The following GBE1 variants were observed in gnomAD, a reference collection of about 807,000 sequenced individuals.
GBE1 encodes the protein 1,4-alpha-glucan branching enzyme 1.
In GBE1, 70 loss-of-function variants were observed where a neutral mutation model predicts 88.8. The ratio of observed to expected loss-of-function variants is 0.79; its 90% confidence interval spans 0.65 to 0.96. The LOEUF is 0.96. Among genes scored for constraint, GBE1 ranks in the 40% least tolerant of loss-of-function variants. The pLI, the probability that GBE1 is intolerant of heterozygous loss-of-function variation, is 0.00. For missense variants in GBE1, 872 were observed against 871.0 expected, an observed-to-expected ratio of 1.00 and a Z score of -0.01; for synonymous variants, 284 against 300.1, an observed-to-expected ratio of 0.95 and a Z score of 0.56.
chr3:81,648,356 A>G (rs1220980547), intron 5 of GBE1, among the ~76,000 whole-genome samples: 1 of 152,160 alleles, frequency 6.6e-6, no homozygotes, highest in African/African-American at 2.4e-5. Flanking sequence ...GTGCCATTAC[A>G]GTTCAATACA....
At chr3:81,697,887 C>A (rs1705624410) in intron 2 of GBE1, among the ~76,000 whole-genome samples, 1 of 151,766 alleles carries the variant, frequency 6.6e-6, no homozygotes. Context: ...AAGACTGTAA[C>A]AAGGGACATG....
intron 14 of GBE1, among the ~76,000 whole-genome samples, chr3:81,528,459 T>G (rs1702974681): frequency 6.6e-6 from 1 of 152,036 alleles, no homozygotes; most frequent in Non-Finnish European, 1.5e-5. Flanking sequence ...TTTGCAGCCG[T>G]TGGATGAAAT....
chr3:81,490,781 G>T (rs185354686), intron 15 of GBE1, among the ~76,000 whole-genome samples: 1 of 152,116 alleles, frequency 6.6e-6, no homozygotes, highest in East Asian at 1.9e-4. Context: ...CTGCCCCACA[G>T]TTTGCAATGT....
chr3:81,725,219 T>G (rs1258471651), intron 1 of GBE1, among the ~76,000 whole-genome samples: 1 of 152,180 alleles, frequency 6.6e-6, no homozygotes, highest in African/African-American at 2.4e-5. Context: ...TTTTATAAAC[T>G]TTTTAATTTT....
chr3:81,580,002 T>C (rs557087711), intron 11 of GBE1, among the ~76,000 whole-genome samples: 228 of 152,238 alleles, frequency 1.5e-3, no homozygotes, highest in African/African-American at 5.3e-3. Flanking sequence ...TGGGCCTTGA[T>C]TACCCAACCC....
intron 6 of GBE1, among the ~76,000 whole-genome samples, chr3:81,643,791 A>C (rs1360534975): frequency 6.6e-6 from 1 of 152,164 alleles, no homozygotes; most frequent in Non-Finnish European, 1.5e-5. Context: ...GTCTCCCAAT[A>C]GCCAACTCCA....
In GBE1 at chr3:81,517,505, T is replaced by C. The variant is rs115792181; in HGVS notation, c.1934+17690A>G. Among the ~76,000 whole-genome samples, 440 of 151,562 alleles carry C rather than the reference T, an allele frequency of 2.9e-3. 2 individuals are homozygous for C. The highest frequency in any genetic ancestry group is 3.9e-3 in the South Asian group (19 of 4,820). ...CTGCACTGTCTCCAAGTTATGCCTGTAGATTGCCTTCTTCCATATTTGCAG... is the reference window on the plus strand; with the variant it reads ...CTGCACTGTCTCCAAGTTATGCCTGCAGATTGCCTTCTTCCATATTTGCAG... On this transcript the variant is annotated intron_variant, in intron 14 of 15. Transcript: ENST00000429644.
chr3:81,716,002 A>G (rs1269820596), intron 1 of GBE1, among the ~76,000 whole-genome samples: 2 of 152,178 alleles, frequency 1.3e-5, no homozygotes. Context: ...TTAAACATTA[A>G]TCCCATTACA....
At chr3:81,554,896 T>C (rs1016429397) in intron 12 of GBE1, among the ~76,000 whole-genome samples, 8 of 152,158 alleles carry the variant, frequency 5.3e-5, no homozygotes, top group African/African-American at 1.9e-4. Context: ...GCTTATAACT[T>C]AATCAAAGAG....
chr3:81,513,321 G>GGAAGAGATTTAACAGGGAACA (rs1702749577), intron 14 of GBE1, among the ~76,000 whole-genome samples: 1 of 151,698 alleles, frequency 6.6e-6, no homozygotes, highest in Non-Finnish European at 1.5e-5. Flanking sequence ...ACAAGAGTGA[G>GGAAGAGATTTAACAGGGAACA]GAAGAGATTT....
chr3:81,560,898 G>C (rs80079542), intron 12 of GBE1, among the ~76,000 whole-genome samples: 2,045 of 152,006 alleles, frequency 0.013, 52 homozygotes, highest in African/African-American at 0.047. Flanking sequence ...TTAGGGGAAA[G>C]ACAAGTATTA....
chr3:81,507,174 T>C (rs1408115831), intron 14 of GBE1, among the ~76,000 whole-genome samples: 1 of 152,072 alleles, frequency 6.6e-6, no homozygotes, highest in Non-Finnish European at 1.5e-5. Flanking sequence ...AATATCCAGT[T>C]AGTTTTTTTT....
rs900831748 is a variant in GBE1 at position 81,513,568 on chromosome 3, C to CA, written c.1935-14342dup. ...AAAGGTGTTTATTGTTTTGTTCCCC[C>CA]AAAAAAAAAACAAAAAACAAAAAGT... is the stretch of plus-strand genomic sequence containing the variant. On this transcript the variant is annotated intron_variant, in intron 14 of 15. Coordinates refer to ENST00000429644, the MANE Select transcript of GBE1 (RefSeq NM_000158.4). Among the ~76,000 whole-genome samples, 1,006 of 135,410 alleles carry CA rather than the reference C, an allele frequency of 7.4e-3. 17 individuals are homozygous for CA. Among genetic ancestry groups the CA allele is most frequent in the African/African-American group, 0.024 (880 of 37,246 alleles). The allele number at this position is 135,410 out of a possible 152,430, so 88.8% of individuals were successfully genotyped here. A position where few individuals can be genotyped will look rare whatever the true frequency, so the allele number is the denominator to read the frequency against.
chr3:81,691,454 T>TA (rs202021228), intron 2 of GBE1, among the ~76,000 whole-genome samples: 3 of 151,828 alleles, frequency 2.0e-5, no homozygotes, highest in Non-Finnish European at 2.9e-5. Context: ...GACCTAATCA[T>TA]AAAAAAAATA....
rs918640013 is a variant in GBE1 at position 81,743,610 on chromosome 3, G to A, written c.143+17765C>T. On this transcript the variant is annotated intron_variant, in intron 1 of 15. Coordinates refer to ENST00000429644, the MANE Select transcript of GBE1 (RefSeq NM_000158.4). ...GAAGTTAGAAACAGCTGTTAATCTG[G>A]GCCGAATCCAAGTGAAATTGGAACA... 6.5e-6 allele frequency: 10 copies of A among 1,534,578 alleles called. No individual in the cohort carries two copies. In the African/African-American group the frequency reaches 1.2e-4, roughly 19 times the overall value.
chr3:81,570,059 C>G (rs547069457), intron 12 of GBE1, among the ~76,000 whole-genome samples: 2 of 152,230 alleles, frequency 1.3e-5, no homozygotes, highest in South Asian at 4.1e-4. Context: ...ATCCACCCAC[C>G]TCAGCCTCCC....
In GBE1 at chr3:81,733,410, A is replaced by T. The variant is rs369946992; in HGVS notation, c.144-27797T>A. Among the ~76,000 whole-genome samples the T allele has an allele frequency of 5.6e-4, 85 of 152,264 alleles. No homozygotes were observed. The highest frequency in any genetic ancestry group is 1.9e-3 in the African/African-American group (78 of 41,548). On this transcript the variant is annotated intron_variant, in intron 1 of 15. Coordinates refer to ENST00000429644, the MANE Select transcript of GBE1 (RefSeq NM_000158.4). This position sits in a 1 kb window ranked among gnomAD's most constrained non-coding sequence, Gnocchi z 4.0. ...ATAAAATAGAAATAAAGTGCACAAAAAAAATGTAATGCACTTGAATCATCC... is the reference window on the plus strand; with the variant it reads ...ATAAAATAGAAATAAAGTGCACAAATAAAATGTAATGCACTTGAATCATCC...
At chr3:81,599,863 G>A (rs1704008997) in intron 7 of GBE1, among the ~76,000 whole-genome samples, 1 of 152,124 alleles carries the variant, frequency 6.6e-6, no homozygotes. Flanking sequence ...ACCATAATTG[G>A]TAATCAGCTT....
chr3:81,545,315 C>CG (rs1394255360), intron 12 of GBE1, among the ~76,000 whole-genome samples: 1 of 152,170 alleles, frequency 6.6e-6, no homozygotes, highest in Non-Finnish European at 1.5e-5. Flanking sequence ...TAATGTTTCT[C>CG]TGTCATTCTC....
Sources: allele counts gnomAD v4.1 joint callset (sites outside exome capture counted in the v4.1 genomes callset), GRCh38; gene constraint gnomAD v4.1.1; non-coding constraint Gnocchi (gnomAD v3.1); transcripts MANE v1.5; gene names NCBI Gene and HGNC (gene_info 2026-07-23, HGNC 2026-07-21).